ADARB1: variants seen among roughly 807,000 people sequenced by gnomAD.
ADARB1 encodes adenosine deaminase RNA specific B1.
A neutral mutation model predicts 52.4 loss-of-function variants in ADARB1; 10 were observed. That is an observed-to-expected ratio of 0.19 (90% CI 0.12 to 0.32). The LOEUF (loss-of-function observed/expected upper bound fraction) is 0.32, where lower values mean the gene tolerates loss of function less well. Among genes scored for constraint, ADARB1 ranks in the 10% least tolerant of loss-of-function variants. The pLI, the probability that ADARB1 is intolerant of heterozygous loss-of-function variation, is 1.00. For missense variants in ADARB1, 643 were observed against 922.3 expected (o/e 0.70, Z 3.92); for synonymous variants, 349 against 371.1 (o/e 0.94, Z 0.68).
chr21:45,210,974 C>T (rs960572526), intron 9 of ADARB1, among the ~76,000 whole-genome samples: 1 of 152,272 alleles, frequency 6.6e-6, no homozygotes. Context: ...GCTCCTTCCA[C>T]AGCTGGTGTT....
intron 3 of ADARB1, among the ~76,000 whole-genome samples, chr21:45,174,419 A>C (rs531853533): frequency 6.6e-6 from 1 of 152,248 alleles, no homozygotes; most frequent in Non-Finnish European, 1.5e-5. Context: ...ATAAAAAATT[A>C]GGGCTGGGCA....
intron 1 of ADARB1, among the ~76,000 whole-genome samples, chr21:45,098,336 C>T (rs2086854707): frequency 6.6e-6 from 1 of 152,240 alleles, no homozygotes; most frequent in Non-Finnish European, 1.5e-5. Flanking sequence ...TTGGACCACT[C>T]TCCCCGTCTC....
At chr21:45,191,509 A>G (rs1470361277) in intron 8 of ADARB1, among the ~76,000 whole-genome samples, 1 of 152,094 alleles carries the variant, frequency 6.6e-6, no homozygotes, top group Non-Finnish European at 1.5e-5. Context: ...GTGTTACTTT[A>G]TCAAATGTTT....
At chr21:45,195,175 A>G (rs2092397565) in intron 8 of ADARB1, among the ~76,000 whole-genome samples, 1 of 152,136 alleles carries the variant, frequency 6.6e-6, no homozygotes, top group Non-Finnish European at 1.5e-5. Context: ...GCATCTTTTC[A>G]TGTGTTTATT....
At chr21:45,113,286 G>A (rs2087631919) in intron 1 of ADARB1, among the ~76,000 whole-genome samples, 1 of 152,030 alleles carries the variant, frequency 6.6e-6, no homozygotes, top group Non-Finnish European at 1.5e-5. Flanking sequence ...AGCCAGGCGT[G>A]GTGTTGCACA....
chr21:45,180,251 A>G, intron 4 of ADARB1, 79 bp from the exon 5 acceptor site: 1 of 974,960 alleles, frequency 1.0e-6, no homozygotes, highest in Non-Finnish European at 1.6e-6. Context: ...CATAAGGGAG[A>G]GTGCGTGCAG....
intron 1 of ADARB1, among the ~76,000 whole-genome samples, chr21:45,087,908 T>G (rs958707910): frequency 2.0e-5 from 3 of 152,184 alleles, no homozygotes; most frequent in African/African-American, 7.2e-5. Flanking sequence ...AATTTTTTTC[T>G]CAGTGTTAAT....
intron 8 of ADARB1, among the ~76,000 whole-genome samples, chr21:45,186,565 T>C (rs1023015799): frequency 1.3e-5 from 2 of 152,268 alleles, no homozygotes; most frequent in Non-Finnish European, 2.9e-5. Flanking sequence ...TTCTGTAAAC[T>C]GATATCTTCA....
chr21:45,155,467 C>T lies in ADARB1; in HGVS notation c.-47-16143C>T, dbSNP rs142165522. The stretch of plus-strand genomic sequence containing the variant: ...CATGGTAGCACCTGGAGGTATAGGA[C>T]GGGATGGCATTTATCCACCCATCCA... On this transcript the variant is annotated intron_variant, in intron 2 of 10. Transcript: ENST00000348831. Among the ~76,000 whole-genome samples, 518 of 152,134 alleles carry T rather than the reference C, an allele frequency of 3.4e-3. 1 individual carries two copies. Among genetic ancestry groups the T allele is most frequent in the African/African-American group, 0.012 (483 of 41,478 alleles).
chr21:45,144,036 A>G (rs1366833389), intron 2 of ADARB1, among the ~76,000 whole-genome samples: 1 of 152,248 alleles, frequency 6.6e-6, no homozygotes, highest in Non-Finnish European at 1.5e-5. Context: ...CATTTAGGAC[A>G]GTACTGGTAC....
intron 1 of ADARB1, among the ~76,000 whole-genome samples, chr21:45,091,530 A>G (rs937573523): frequency 2.0e-5 from 3 of 152,206 alleles, no homozygotes. Context: ...TCTGGACATC[A>G]TGAGACCTTA....
intron 1 of ADARB1, among the ~76,000 whole-genome samples, chr21:45,112,299 G>A (rs1026664313): frequency 6.6e-6 from 1 of 152,172 alleles, no homozygotes; most frequent in African/African-American, 2.4e-5. Flanking sequence ...TCTAGCTCAG[G>A]TGTCTTTTCT....
Position 45,222,379 on chromosome 21 carries a change from GT to G in ADARB1, c.*183del. ...ATCAGACCTGGGGCAGGTGCGCAGT[GT>G]GGGGAGGGGATGGGGTGCGTCAGGG... On this transcript the variant is annotated 3_prime_UTR_variant, in exon 11 of 11. Coordinates refer to ENST00000348831, the MANE Select transcript of ADARB1 (RefSeq NM_001112.4). The G allele has an allele frequency of 7.4e-7, 1 of 1,344,002 alleles. No individual in the cohort carries two copies. Among genetic ancestry groups the G allele is most frequent in the Non-Finnish European group, 9.5e-7 (1 of 1,054,598 alleles). 83.3% of individuals were successfully genotyped at this position (1,344,002 alleles called of 1,614,324 possible). A position where few individuals can be genotyped will look rare whatever the true frequency, so the allele number is the denominator to read the frequency against.
At chr21:45,100,456 C>G (rs2086951902) in intron 1 of ADARB1, 2 of 152,242 alleles carry the variant, frequency 1.3e-5, no homozygotes, top group African/African-American at 4.8e-5. Context: ...CCAGCTCTAC[C>G]CAGAACAAGG....
At chr21:45,099,429 C>T (rs946706744) in intron 1 of ADARB1, among the ~76,000 whole-genome samples, 4 of 152,100 alleles carry the variant, frequency 2.6e-5, no homozygotes, top group Admixed American at 1.3e-4. Context: ...CTTTGGGAGG[C>T]CGAGGCGGGT....
intron 1 of ADARB1, among the ~76,000 whole-genome samples, chr21:45,083,083 C>T (rs1008654912): frequency 6.6e-6 from 1 of 152,204 alleles, no homozygotes; most frequent in African/African-American, 2.4e-5. Flanking sequence ...TACCTTCCTC[C>T]CCACACAGCC....
intron 2 of ADARB1, among the ~76,000 whole-genome samples, chr21:45,171,375 C>T (rs780867779): frequency 5.9e-5 from 9 of 152,188 alleles, no homozygotes; most frequent in Admixed American, 3.9e-4. Context: ...CCACGCGAGA[C>T]GTCCTTTGCT....
intron 2 of ADARB1, among the ~76,000 whole-genome samples, chr21:45,170,711 A>G (rs2091446325): frequency 6.6e-6 from 1 of 152,126 alleles, no homozygotes; most frequent in Admixed American, 6.5e-5. Context: ...TTATTTGTAC[A>G]CAAAGTAACG....
intron 2 of ADARB1, among the ~76,000 whole-genome samples, chr21:45,169,099 A>G (rs2091376399): frequency 6.6e-6 from 1 of 152,226 alleles, no homozygotes; most frequent in Non-Finnish European, 1.5e-5. Context: ...CTTCACTGGC[A>G]GCACCGGCTA....
Sources: allele counts gnomAD v4.1 joint callset (sites outside exome capture counted in the v4.1 genomes callset), GRCh38; gene constraint gnomAD v4.1.1; transcripts MANE v1.5; gene names NCBI Gene and HGNC (gene_info 2026-07-23, HGNC 2026-07-21).